Variants in TTC39C observed in about 807,000 individuals in gnomAD.
TTC39C encodes tetratricopeptide repeat domain 39C, also known as tetratricopeptide repeat protein 39C.
Under a neutral mutation model 76.3 loss-of-function variants are expected in TTC39C, and 33 were observed. The observed-to-expected ratio is 0.43, with a 90% CI of 0.33 to 0.58. The LOEUF (loss-of-function observed/expected upper bound fraction) is 0.58. TTC39C is among the 20% of genes least tolerant of loss of function. The pLI, the probability that TTC39C is intolerant of heterozygous loss-of-function variation, is 0.04. For synonymous variants in TTC39C, 254 were observed against 260.6 expected (o/e 0.97, Z 0.24); for missense variants, 595 against 701.4 (o/e 0.85, Z 1.71).
chr18:24,027,209 T>C (rs955051358), intron 1 of TTC39C, among the ~76,000 whole-genome samples: 1 of 151,944 alleles, frequency 6.6e-6, no homozygotes, highest in African/African-American at 2.4e-5. Context: ...GGAGAATCGC[T>C]TGAACCCGGG....
At chr18:24,111,644 C>T (rs925050257) in intron 6 of TTC39C, among the ~76,000 whole-genome samples, 5 of 151,114 alleles carry the variant, frequency 3.3e-5, no homozygotes, top group African/African-American at 4.9e-5. Context: ...CTTATAATCC[C>T]GGGACTTTGG....
At chr18:24,030,647 C>CATTT (rs2083656543) in intron 1 of TTC39C, among the ~76,000 whole-genome samples, 1 of 37,338 alleles carries the variant, frequency 2.7e-5, no homozygotes, top group Admixed American at 4.4e-4. Context: ...CAAAGATAGG[C>CATTT]CTTTTTTTTT....
intron 6 of TTC39C, among the ~76,000 whole-genome samples, chr18:24,107,247 A>G (rs1031558268): frequency 2.6e-5 from 4 of 151,912 alleles, no homozygotes; most frequent in Admixed American, 1.3e-4. Context: ...CAAATACCTC[A>G]TGAATATTAG....
intron 1 of TTC39C, among the ~76,000 whole-genome samples, chr18:23,993,941 T>C (rs1428626459): frequency 1.3e-5 from 2 of 152,206 alleles, no homozygotes; most frequent in Admixed American, 6.5e-5. Flanking sequence ...TCACCAACAA[T>C]CATCCAGAAA....
At chr18:24,010,379 G>T (rs1274260354), upstream of TTC39C, among the ~76,000 whole-genome samples, 1 of 152,200 alleles carries the variant, frequency 6.6e-6, no homozygotes, top group African/African-American at 2.4e-5. Context: ...AGTTCACTAT[G>T]TACGGAGAAA....
At position 24,061,165 on chromosome 18, in the gene TTC39C, G is replaced by GA. The variant is rs549795030; in HGVS notation, c.168-2968dup. On this transcript the variant is annotated intron_variant, in intron 1 of 13. Transcript: ENST00000317571. ...CCCTCACCTTATAGGTATCAATTTT[G>GA]AAAAAAATGTTATAGATTATCCTAC... Among the ~76,000 whole-genome samples the GA allele has an allele frequency of 4.1e-4, 61 of 147,684 alleles. 1 individual carries two copies. In the South Asian group the frequency reaches 9.2e-3, roughly 22 times the overall value.
intron 6 of TTC39C, among the ~76,000 whole-genome samples, chr18:24,085,852 G>C (rs1162838408): frequency 6.6e-6 from 1 of 152,186 alleles, no homozygotes; most frequent in Non-Finnish European, 1.5e-5. Context: ...CTTCCCAAAG[G>C]CCCAGAGGAT....
At chr18:24,046,281 G>C (rs141301885) in intron 1 of TTC39C, among the ~76,000 whole-genome samples, 1 of 151,674 alleles carries the variant, frequency 6.6e-6, no homozygotes, top group East Asian at 1.9e-4. Context: ...CTTCTTACTT[G>C]TATCCTGCCT....
intron 1 of TTC39C, among the ~76,000 whole-genome samples, chr18:24,060,856 A>G (rs1427189526): frequency 6.6e-6 from 1 of 152,108 alleles, no homozygotes; most frequent in East Asian, 1.9e-4. Context: ...TTTTGGCCAC[A>G]TTTTGGGGTC....
chr18:24,025,920 G>A (rs528244682), intron 1 of TTC39C, among the ~76,000 whole-genome samples: 12 of 152,312 alleles, frequency 7.9e-5, no homozygotes, highest in East Asian at 3.9e-4. Context: ...TCTCTGTTGC[G>A]TTGGTGACGG....
At chr18:24,048,598 A>C (rs1389279016) in intron 1 of TTC39C, among the ~76,000 whole-genome samples, 1 of 152,236 alleles carries the variant, frequency 6.6e-6, no homozygotes, top group Non-Finnish European at 1.5e-5. Context: ...TGGTTAAAAC[A>C]TGTAACTTTT....
intron 1 of TTC39C, among the ~76,000 whole-genome samples, chr18:24,037,665 A>C (rs913013260): frequency 6.6e-6 from 1 of 152,190 alleles, no homozygotes; most frequent in Admixed American, 6.5e-5. Flanking sequence ...TGTTGCATTA[A>C]CTGGTTACTA....
chr18:24,091,054 G>A (rs184490421), intron 6 of TTC39C, among the ~76,000 whole-genome samples: 19 of 152,210 alleles, frequency 1.2e-4, no homozygotes, highest in South Asian at 2.1e-4. Context: ...TTCTCTGTCC[G>A]CCTCGGCCTC....
At chr18:24,015,568 T>C (rs1361772341) in intron 1 of TTC39C, among the ~76,000 whole-genome samples, 5 of 152,366 alleles carry the variant, frequency 3.3e-5, no homozygotes. Flanking sequence ...CACAATTGCT[T>C]TGCCGTGCAG....
intron 6 of TTC39C, among the ~76,000 whole-genome samples, chr18:24,107,889 G>GA (rs1555776835): frequency 1.8e-4 from 3 of 16,700 alleles, no homozygotes; most frequent in South Asian, 5.2e-3. Flanking sequence ...CTCCCAAGTA[G>GA]GGGGGGGGGT....
At chr18:24,112,456 G>C (rs553695862) in intron 6 of TTC39C, among the ~76,000 whole-genome samples, 4 of 152,296 alleles carry the variant, frequency 2.6e-5, no homozygotes, top group African/African-American at 9.6e-5. Flanking sequence ...TCCGCAAATG[G>C]AATTAATACA....
intron 1 of TTC39C, among the ~76,000 whole-genome samples, chr18:24,031,923 C>T (rs1188174654): frequency 1.3e-5 from 2 of 152,068 alleles, no homozygotes; most frequent in East Asian, 1.9e-4. Flanking sequence ...CGGATTATCT[C>T]GATGGGCCCT....
At chr18:24,003,241 T>G (rs898475919) in intron 1 of TTC39C, among the ~76,000 whole-genome samples, 1 of 152,170 alleles carries the variant, frequency 6.6e-6, no homozygotes, top group Non-Finnish European at 1.5e-5. Flanking sequence ...TTGTCCAGAG[T>G]CAGCTCAGTC....
At chr18:24,090,807 T>C (rs2145774953) in intron 6 of TTC39C, among the ~76,000 whole-genome samples, 1 of 135,286 alleles carries the variant, frequency 7.4e-6, no homozygotes, top group South Asian at 2.6e-4. Context: ...CTTTTTTTTT[T>C]TTTTTTTTTT....
Sources: allele counts gnomAD v4.1 joint callset (sites outside exome capture counted in the v4.1 genomes callset), GRCh38; gene constraint gnomAD v4.1.1; transcripts MANE v1.5; gene names NCBI Gene and HGNC (gene_info 2026-07-23, HGNC 2026-07-21).